The following CLDN10 variants were observed in gnomAD, a reference collection of about 807,000 sequenced individuals.
The protein encoded by CLDN10 is claudin-10.
In CLDN10, 15 loss-of-function variants were observed where a neutral mutation model predicts 22.9. The ratio of observed to expected loss-of-function variants is 0.65; its 90% CI spans 0.44 to 1.01. CLDN10 has a LOEUF of 1.01. Ranked by LOEUF, CLDN10 falls within the 50% of genes least tolerant of loss-of-function variation. The pLI is 0.00. For synonymous variants in CLDN10, 114 were observed against 111.4 expected, an observed-to-expected ratio of 1.02 and a Z score of -0.15; for missense variants, 247 against 287.8, an observed-to-expected ratio of 0.86 and a Z score of 1.03.
rs1476892851 is a variant in CLDN10 at position 95,563,209 on chromosome 13, G to GGGGA, written c.464+2747_464+2748insGGAG. 4.4e-3 allele frequency among the ~76,000 whole-genome samples: 644 copies of GGGGA among 147,648 alleles called. 4 individuals carry two copies. Among genetic ancestry groups the GGGGA allele is most frequent in the African/African-American group, 0.015 (618 of 40,122 alleles). ...CAGAATTGCTGTGAGAGTTAAGAGA[G>GGGGA]GAGAGAGAGAGAGAGAGAGAGAGAG... On this transcript the variant is annotated intron_variant, in intron 3 of 4. Coordinates refer to ENST00000299339, the MANE Select transcript of CLDN10 (RefSeq NM_006984.5).
chr13:95,440,093 TA>T (rs2042310696), intron 1 of CLDN10, among the ~76,000 whole-genome samples: 1 of 152,040 alleles, frequency 6.6e-6, no homozygotes, highest in Admixed American at 6.6e-5. Flanking sequence ...TTTGTATTTT[TA>T]GTAGAGGTGC....
At chr13:95,456,891 G>C (rs1267964929) in intron 1 of CLDN10, among the ~76,000 whole-genome samples, 7 of 152,214 alleles carry the variant, frequency 4.6e-5, no homozygotes, top group Non-Finnish European at 1.0e-4. Flanking sequence ...CTCCAAGGGA[G>C]ATTTAAATTT....
intron 1 of CLDN10, among the ~76,000 whole-genome samples, chr13:95,440,364 T>A (rs2042313120): frequency 6.6e-6 from 1 of 152,198 alleles, no homozygotes; most frequent in South Asian, 2.1e-4. Flanking sequence ...ATGTCCCAAA[T>A]GCATATAAAA....
intron 1 of CLDN10, among the ~76,000 whole-genome samples, chr13:95,506,955 C>G (rs1388342069): frequency 6.6e-6 from 1 of 152,236 alleles, no homozygotes; most frequent in Admixed American, 6.5e-5. Context: ...CCGGGCTGAA[C>G]ATAGAACCCT....
intron 1 of CLDN10, among the ~76,000 whole-genome samples, chr13:95,547,442 G>C (rs78618996): frequency 3.9e-5 from 6 of 151,992 alleles, no homozygotes; most frequent in Non-Finnish European, 7.4e-5. Flanking sequence ...CCATTTTTAT[G>C]AAAAAATGTA....
chr13:95,463,181 C>T (rs1476638754), intron 1 of CLDN10, among the ~76,000 whole-genome samples: 2 of 150,412 alleles, frequency 1.3e-5, no homozygotes, highest in African/African-American at 4.9e-5. Flanking sequence ...CTATCAATAT[C>T]TAACTATCTA....
intron 3 of CLDN10, 45 bp from the exon 4 acceptor site, chr13:95,577,186 C>A: frequency 7.6e-7 from 1 of 1,314,852 alleles, no homozygotes; most frequent in Non-Finnish European, 1.1e-6. Flanking sequence ...ACTGTTTACT[C>A]TCCAAATAAG....
chr13:95,460,767 C>T (rs2139088775), intron 1 of CLDN10, among the ~76,000 whole-genome samples: 1 of 151,836 alleles, frequency 6.6e-6, no homozygotes, highest in Admixed American at 6.5e-5. Flanking sequence ...AGCCTCTCTC[C>T]TCTGGAGTAG....
At chr13:95,559,947 G>T (rs946446651) in intron 1 of CLDN10, among the ~76,000 whole-genome samples, 185 bp from the exon 2 acceptor site, 12 of 152,204 alleles carry the variant, frequency 7.9e-5, no homozygotes, top group Admixed American at 3.3e-4. Context: ...TTCACAGTGT[G>T]TGACCTAGAA....
intron 1 of CLDN10, among the ~76,000 whole-genome samples, chr13:95,439,034 AG>A: frequency 6.7e-6 from 1 of 148,912 alleles, no homozygotes; most frequent in Middle Eastern, 3.5e-3. Context: ...CTAGAGAAAG[AG>A]GGTTTTCTGT....
chr13:95,450,003 A>T (rs2042418901), intron 1 of CLDN10, among the ~76,000 whole-genome samples: 1 of 152,040 alleles, frequency 6.6e-6, no homozygotes, highest in Non-Finnish European at 1.5e-5. Context: ...CGGCCTCCCA[A>T]AGTGCTGGGA....
intron 1 of CLDN10, among the ~76,000 whole-genome samples, chr13:95,460,984 C>T (rs1055410965): frequency 2.0e-5 from 3 of 152,126 alleles, no homozygotes; most frequent in Admixed American, 6.5e-5. Flanking sequence ...GGGTGGTGCA[C>T]ACCTGTAATC....
chr13:95,524,831 ACT>A (rs1418200561), intron 1 of CLDN10, among the ~76,000 whole-genome samples: 3 of 150,090 alleles, frequency 2.0e-5, no homozygotes, highest in Admixed American at 6.6e-5. Context: ...GTTATTTTGT[ACT>A]CTTTTATTTT....
intron 1 of CLDN10, among the ~76,000 whole-genome samples, chr13:95,492,128 T>G (rs2042878583): frequency 6.6e-6 from 1 of 152,102 alleles, no homozygotes; most frequent in African/African-American, 2.4e-5. Context: ...TGCTCTATTT[T>G]TGTGCTGGTT....
chr13:95,543,863 G>A (rs763168012), intron 1 of CLDN10, among the ~76,000 whole-genome samples: 1 of 151,752 alleles, frequency 6.6e-6, no homozygotes, highest in African/African-American at 2.4e-5. Flanking sequence ...AATTATTTGA[G>A]GATTAATTTA....
chr13:95,495,793 C>G (rs2042924488), intron 1 of CLDN10, among the ~76,000 whole-genome samples: 1 of 149,894 alleles, frequency 6.7e-6, no homozygotes, highest in African/African-American at 2.4e-5. Context: ...ATGAAGCTAA[C>G]TTTAGGAAAT....
chr13:95,561,806 C>G (rs1214270320), intron 3 of CLDN10, among the ~76,000 whole-genome samples: 1 of 148,602 alleles, frequency 6.7e-6, no homozygotes, highest in African/African-American at 2.5e-5. Context: ...CTTTCTGTCA[C>G]TCAGGCTGGA....
chr13:95,573,321 C>G (rs2043885167), intron 3 of CLDN10, among the ~76,000 whole-genome samples: 1 of 152,182 alleles, frequency 6.6e-6, no homozygotes, highest in African/African-American at 2.4e-5. Flanking sequence ...AAGTTCTGTC[C>G]TCAACCTGAA....
intron 3 of CLDN10, 186 bp downstream of exon 3, chr13:95,560,649 T>C: frequency 6.8e-6 from 4 of 589,972 alleles, no homozygotes; most frequent in South Asian, 6.1e-5. Flanking sequence ...ATTTAATTAG[T>C]TTGCTAGTGT....
Sources: allele counts gnomAD v4.1 joint callset (sites outside exome capture counted in the v4.1 genomes callset), GRCh38; gene constraint gnomAD v4.1.1; transcripts MANE v1.5; gene names NCBI Gene and HGNC (gene_info 2026-07-23, HGNC 2026-07-21).